The following OSBPL1A variants were observed in gnomAD, a reference collection of about 807,000 sequenced individuals.
OSBPL1A encodes oxysterol-binding protein-related protein 1.
Under a neutral mutation model 137.1 loss-of-function variants are expected in OSBPL1A, and 80 were observed. That is an observed-to-expected ratio of 0.58 (90% CI 0.49 to 0.70). The LOEUF (loss-of-function observed/expected upper bound fraction) is 0.70. Among genes scored for constraint, OSBPL1A ranks in the 30% least tolerant of loss-of-function variants. The pLI, the probability that OSBPL1A is intolerant of heterozygous loss-of-function variation, is 0.00. For synonymous variants in OSBPL1A, 365 were observed against 389.7 expected (o/e 0.94, Z 0.75); for missense variants, 970 against 1,129.4 (o/e 0.86, Z 2.02).
At chr18:24,309,387 T>C (rs1330701885) in intron 13 of OSBPL1A, among the ~76,000 whole-genome samples, 1 of 152,164 alleles carries the variant, frequency 6.6e-6, no homozygotes, top group Non-Finnish European at 1.5e-5. Flanking sequence ...ACTCACTATA[T>C]TGCCCAGGCT....
rs193077783 is a variant in OSBPL1A at position 24,236,169 on chromosome 18, G to A, written c.1444+3051C>T. Reference sequence around the variant, plus strand: ...TCTACTAAGCCACTAAGTTTGTGGTGATCTATTGCAGTAGCAATAGCAGAC... The same window carrying A: ...TCTACTAAGCCACTAAGTTTGTGGTAATCTATTGCAGTAGCAATAGCAGAC... On this transcript the variant is annotated intron_variant, in intron 16 of 27. Coordinates refer to ENST00000319481, the MANE Select transcript of OSBPL1A (RefSeq NM_080597.4). 2.0e-3 allele frequency among the ~76,000 whole-genome samples: 302 copies of A among 152,302 alleles called. 3 individuals are homozygous for A. Among genetic ancestry groups the A allele is most frequent in the African/African-American group, 6.8e-3 (282 of 41,562 alleles).
intron 17 of OSBPL1A, among the ~76,000 whole-genome samples, chr18:24,203,667 A>G (rs917764587): frequency 6.6e-6 from 1 of 152,106 alleles, no homozygotes; most frequent in Non-Finnish European, 1.5e-5. Context: ...CTACCACCCT[A>G]TAATCCATGT....
intron 5 of OSBPL1A, among the ~76,000 whole-genome samples, chr18:24,336,986 C>T (rs547481896): frequency 6.6e-6 from 1 of 152,238 alleles, no homozygotes; most frequent in Admixed American, 6.5e-5. Context: ...GAAAAGATGC[C>T]TTTACAGTGG....
intron 17 of OSBPL1A, among the ~76,000 whole-genome samples, chr18:24,216,662 T>G (rs114276941): frequency 1.4e-3 from 218 of 152,254 alleles, no homozygotes; most frequent in African/African-American, 5.0e-3. Flanking sequence ...CAAAGGACAA[T>G]ACAAACTTCC....
At chr18:24,208,063 T>C (rs1413672140) in intron 17 of OSBPL1A, among the ~76,000 whole-genome samples, 1 of 152,170 alleles carries the variant, frequency 6.6e-6, no homozygotes, top group African/African-American at 2.4e-5. Context: ...CCAATTTAAA[T>C]ATAATTTAAT....
At chr18:24,327,597 C>T (rs1051261540) in intron 7 of OSBPL1A, among the ~76,000 whole-genome samples, 2 of 151,894 alleles carry the variant, frequency 1.3e-5, no homozygotes, top group East Asian at 1.9e-4. Flanking sequence ...TTAGTAGAGA[C>T]AGGATTTCAT....
intron 4 of OSBPL1A, among the ~76,000 whole-genome samples, chr18:24,354,462 G>C (rs1246042325): frequency 6.6e-6 from 1 of 152,146 alleles, no homozygotes; most frequent in African/African-American, 2.4e-5. Flanking sequence ...GCCCTCTGCA[G>C]AGGTAACACC....
At chr18:24,397,368 A>T (rs1568076032) in intron 1 of OSBPL1A, among the ~76,000 whole-genome samples, 1 of 152,238 alleles carries the variant, frequency 6.6e-6, no homozygotes, top group South Asian at 2.1e-4. Context: ...ATGCGGCACC[A>T]GCATGGTCGT....
intron 7 of OSBPL1A, among the ~76,000 whole-genome samples, chr18:24,321,283 T>G (rs1480915391): frequency 2.0e-5 from 3 of 151,980 alleles, no homozygotes; most frequent in African/African-American, 7.3e-5. Flanking sequence ...TGTTAAAGGG[T>G]GTCCTTATTT....
At chr18:24,243,619 C>T (rs947367858) in intron 15 of OSBPL1A, among the ~76,000 whole-genome samples, 1 of 152,166 alleles carries the variant, frequency 6.6e-6, no homozygotes, top group Non-Finnish European at 1.5e-5. Flanking sequence ...AAAATAAGCA[C>T]CACTTAGCTG....
At chr18:24,288,023 A>C (rs1052604110) in intron 14 of OSBPL1A, among the ~76,000 whole-genome samples, 8 of 152,032 alleles carry the variant, frequency 5.3e-5, no homozygotes, top group Non-Finnish European at 1.0e-4. Flanking sequence ...CCCTTCTAAC[A>C]CCTGAGGAGG....
At chr18:24,197,242 G>A (rs1196422998) in intron 17 of OSBPL1A, among the ~76,000 whole-genome samples, 1 of 152,144 alleles carries the variant, frequency 6.6e-6, no homozygotes, top group Non-Finnish European at 1.5e-5. Flanking sequence ...AGCTACTCAG[G>A]AGGCTGAGAC....
intron 17 of OSBPL1A, among the ~76,000 whole-genome samples, chr18:24,220,812 T>C (rs2087865256): frequency 6.6e-6 from 1 of 151,962 alleles, no homozygotes; most frequent in Admixed American, 6.6e-5. Flanking sequence ...GATTTTGTTT[T>C]GTTTTGGTTT....
At position 24,382,334 on chromosome 18, in the gene OSBPL1A, G is replaced by A. The variant is rs552263558; in HGVS notation, c.-2-4799C>T. Among the ~76,000 whole-genome samples the A allele has an allele frequency of 2.7e-5, 4 of 150,492 alleles. No individual in the cohort carries two copies. In the East Asian group the frequency reaches 7.9e-4, roughly 30 times the overall value. The stretch of plus-strand genomic sequence containing the variant: ...AGGCAGGAGAAGGGCGTGAACCCAG[G>A]AGGCAGAGCTTGCAGTGAGCTGAGA... On this transcript the variant is annotated intron_variant, in intron 1 of 27. Transcript: ENST00000319481.
chr18:24,178,066 C>T lies in OSBPL1A; in HGVS notation c.2040G>A (p.Trp680Ter). The change falls in exon 21 of 28, where the codon TGG becomes TGA. Residue 680 changes from tryptophan to a stop codon, truncating the protein, a stop_gained. Coordinates refer to ENST00000319481, the MANE Select transcript of OSBPL1A (RefSeq NM_080597.4). LOFTEE classifies it high-confidence loss of function. Reference sequence around the variant, plus strand: ...TGGGTTCTGCTTCTACACTCTTCCCCCAGAATTTCAGTTTGGGATAGATAG... The same window carrying T: ...TGGGTTCTGCTTCTACACTCTTCCCTCAGAATTTCAGTTTGGGATAGATAG... ...HGSIYPKLKF[W>*]GKSVEAEPKG... 1 of 1,613,906 alleles carries T rather than the reference C, an allele frequency of 6.2e-7. No individual in the cohort carries two copies.
intron 5 of OSBPL1A, among the ~76,000 whole-genome samples, chr18:24,337,423 A>ACATAACATAACATAACATAAC: frequency 6.6e-6 from 1 of 151,698 alleles, no homozygotes; most frequent in Non-Finnish European, 1.5e-5. Flanking sequence ...ACATAACATA[A>ACATAACATAACATAACATAAC]AGCCAGGCAT....
rs556956688 is a variant in OSBPL1A at position 24,172,010 on chromosome 18, G to A, written c.2201+366C>T. 1.3e-4 allele frequency among the ~76,000 whole-genome samples: 20 copies of A among 149,248 alleles called. No homozygotes were observed. The South Asian group carries it at 3.6e-3, about 27-fold the overall frequency. ...GGCTAAAGTGCAGTGGCGCTATCTC[G>A]GCTCACTGCAACCTCCGCCTCCTGG... On this transcript the variant is annotated intron_variant, in intron 22 of 27. Coordinates refer to ENST00000319481, the MANE Select transcript of OSBPL1A (RefSeq NM_080597.4).
chr18:24,312,010 C>T lies in OSBPL1A; in HGVS notation c.1066G>A (p.Ala356Thr), dbSNP rs148186272. ...TCTAATGATTTCTTCAGGTCTGCAG[C>T]AGAAACCGTATCTTCCTCCTCCTCA... ...TDEEEEDTVS[A>T]ADLKKSLEKA... Residue 356 changes from alanine (A) to threonine (T), a missense_variant, in exon 13 of 28, where the codon GCT becomes ACT. Transcript: ENST00000319481. The T allele has an allele frequency of 4.5e-4, 719 of 1,614,072 alleles. 6 individuals carry two copies. In the South Asian group the frequency reaches 5.5e-3, roughly 12 times the overall value.
chr18:24,239,175 G>A, intron 16 of OSBPL1A, 45 bp downstream of exon 16: 2 of 1,595,082 alleles, frequency 1.3e-6, no homozygotes, highest in Non-Finnish European at 8.5e-7. Flanking sequence ...TTAGGTGGTG[G>A]ACTCTAAATC....
Sources: allele counts gnomAD v4.1 joint callset (sites outside exome capture counted in the v4.1 genomes callset), GRCh38; gene constraint gnomAD v4.1.1; transcripts MANE v1.5; gene names NCBI Gene and HGNC (gene_info 2026-07-23, HGNC 2026-07-21).